Variants in CCR3 observed in about 807,000 individuals in gnomAD.
CCR3 encodes C-C motif chemokine receptor 3.
For synonymous variants in CCR3, 203 were observed against 179.2 expected, an observed-to-expected ratio of 1.13 and a Z score of -1.06; for missense variants, 419 against 437.5, an observed-to-expected ratio of 0.96 and a Z score of 0.38.
At chr3:46,219,531 G>T (rs1226439189) in intron 2 of CCR3, among the ~76,000 whole-genome samples, 2 of 151,924 alleles carry the variant, frequency 1.3e-5, no homozygotes, top group Non-Finnish European at 2.9e-5. Flanking sequence ...GCCAAAGCAA[G>T]ACTAAACAAA....
At chr3:46,264,072 C>A in intron 1 of CCR3, 2 of 290,584 alleles carry the variant, frequency 6.9e-6, no homozygotes, top group South Asian at 3.4e-5. Context: ...CCTGCCTTAT[C>A]TGTTTTCTAT....
intron 1 of CCR3, among the ~76,000 whole-genome samples, chr3:46,256,247 T>G (rs1700421632): frequency 6.6e-6 from 1 of 152,200 alleles, no homozygotes; most frequent in Admixed American, 6.5e-5. Flanking sequence ...AACTTTATAT[T>G]TTGTGTTTCA....
chr3:46,211,556 C>T (rs1457142153), intron 2 of CCR3, among the ~76,000 whole-genome samples: 2 of 151,822 alleles, frequency 1.3e-5, no homozygotes, highest in African/African-American at 4.8e-5. Context: ...TAATAAGTTT[C>T]GAGAACCACT....
intron 1 of CCR3, among the ~76,000 whole-genome samples, chr3:46,250,248 G>A (rs893708705): frequency 7.9e-5 from 12 of 152,122 alleles, no homozygotes; most frequent in Admixed American, 1.3e-4. Context: ...ACTGTAAGCC[G>A]GACCAGGTGT....
chr3:46,246,748 A>C (rs866660379), intron 1 of CCR3, among the ~76,000 whole-genome samples: 12 of 152,244 alleles, frequency 7.9e-5, no homozygotes, highest in Non-Finnish European at 1.3e-4. Flanking sequence ...TATATTAATA[A>C]GAAAAATAAA....
At chr3:46,210,748 TCTTCTGGC>T (rs1264298638) in exon 2 of CCR3, 3 of 152,286 alleles carry the variant, frequency 2.0e-5, no homozygotes, top group Non-Finnish European at 1.5e-5. Flanking sequence ...CTGGGCCTTG[TCTTCTGGC>T]CACACACTCT....
chr3:46,264,264 C>A, intron 1 of CCR3: 1 of 715,862 alleles, frequency 1.4e-6, no homozygotes, highest in Non-Finnish European at 2.4e-6. Flanking sequence ...CCTAACTCAG[C>A]ATCACCAGGG....
intron 1 of CCR3, among the ~76,000 whole-genome samples, chr3:46,254,904 C>T (rs1261064372): frequency 1.3e-5 from 2 of 152,128 alleles, no homozygotes; most frequent in African/African-American, 4.8e-5. Flanking sequence ...TTATTTTCCT[C>T]TGGGTAGATA....
At chr3:46,264,515 A>C in intron 1 of CCR3, 1 of 1,037,208 alleles carries the variant, frequency 9.6e-7, no homozygotes. Context: ...ATCTAGTGAC[A>C]GGAGAAATGG....
chr3:46,245,627 T>C (rs1171315712), intron 1 of CCR3, among the ~76,000 whole-genome samples: 1 of 152,078 alleles, frequency 6.6e-6, no homozygotes, highest in Non-Finnish European at 1.5e-5. Context: ...ACTCGTGCCA[T>C]GGGGGTTTGT....
intron 2 of CCR3, among the ~76,000 whole-genome samples, chr3:46,228,749 C>T (rs75012616): frequency 0.013 from 1,963 of 152,336 alleles, 16 homozygotes; most frequent in Non-Finnish European, 0.021. Flanking sequence ...TATAATCTTG[C>T]GTTGCCTTAA....
chr3:46,265,869 C>G lies in CCR3; in HGVS notation c.711C>G (p.Ala237=). The change falls in exon 2 of 2, where the codon GCC becomes GCG. Residue 237 remains alanine (A), a synonymous_variant. Transcript: ENST00000395940. ...GCCCCAGTAAAAAAAAGTACAAGGC[C>G]ATCCGGCTCATTTTTGTCATCATGG... The part of the protein sequence containing the change: ...LRCPSKKKYK[A]IRLIFVIMAV... 1 of 1,614,116 alleles carries G rather than the reference C, an allele frequency of 6.2e-7. No homozygotes were observed. The highest frequency in any genetic ancestry group is 8.5e-7 in the Non-Finnish European group (1 of 1,180,002).
chr3:46,223,213 G>A (rs1342046644), intron 2 of CCR3, among the ~76,000 whole-genome samples: 1 of 152,190 alleles, frequency 6.6e-6, no homozygotes, highest in African/African-American at 2.4e-5. Context: ...TTAGCTGGGT[G>A]TGGTGGTGGA....
At chr3:46,216,633 A>C (rs1699778753) in intron 2 of CCR3, among the ~76,000 whole-genome samples, 1 of 152,162 alleles carries the variant, frequency 6.6e-6, no homozygotes, top group Non-Finnish European at 1.5e-5. Flanking sequence ...CTATAATGAA[A>C]ACCTATCAGA....
chr3:46,220,361 G>A (rs189954213), intron 2 of CCR3, among the ~76,000 whole-genome samples: 7 of 152,274 alleles, frequency 4.6e-5, no homozygotes, highest in Admixed American at 3.3e-4. Context: ...ATAGATGTTG[G>A]CAGGGATGTG....
At chr3:46,224,429 C>G (rs1329390702) in intron 2 of CCR3, among the ~76,000 whole-genome samples, 1 of 150,854 alleles carries the variant, frequency 6.6e-6, no homozygotes, top group Non-Finnish European at 1.5e-5. Flanking sequence ...ATGGTGAAAC[C>G]CCATCTCTAA....
rs533620050 is a variant in CCR3 at position 46,212,045 on chromosome 3, A to G, written c.-68+1138A>G. Among the ~76,000 whole-genome samples the G allele has an allele frequency of 3.9e-5, 6 of 152,126 alleles. No homozygotes were observed. In the South Asian group the frequency reaches 1.2e-3, roughly 32 times the overall value. On this transcript the variant is annotated intron_variant, in intron 2 of 3. Coordinates refer to the CCR3 transcript ENST00000357422. ...CTTCTCACCTATTTATTTGCCTTTC[A>G]TGACCTGCACACATCATCCATGGCA...
rs541391101 is a variant in CCR3 at position 46,236,036 on chromosome 3, A to G, written c.-67-6366A>G. ...TACTTTGTTTGATGTGGAATATTTA[A>G]TCTATAATATTTATATATTGATTAA... is the stretch of plus-strand genomic sequence containing the variant. On this transcript the variant is annotated intron_variant, in intron 2 of 3. Coordinates refer to the CCR3 transcript ENST00000357422. Among the ~76,000 whole-genome samples, 3 of 152,266 alleles carry G rather than the reference A, an allele frequency of 2.0e-5. 1 individual carries two copies. The East Asian group carries it at 5.8e-4, about 29-fold the overall frequency.
chr3:46,249,912 A>G (rs1207510348), intron 1 of CCR3, among the ~76,000 whole-genome samples: 1 of 151,822 alleles, frequency 6.6e-6, no homozygotes, highest in Non-Finnish European at 1.5e-5. Flanking sequence ...AGGTGAGGTT[A>G]ATTAAGTCCT....
Sources: allele counts gnomAD v4.1 joint callset (sites outside exome capture counted in the v4.1 genomes callset), GRCh38; gene constraint gnomAD v4.1.1; transcripts MANE v1.5; gene names NCBI Gene and HGNC (gene_info 2026-07-23, HGNC 2026-07-21).